The following KCNQ1 variants were observed in gnomAD, a reference collection of about 807,000 sequenced individuals.
The protein encoded by KCNQ1 is potassium voltage-gated channel subfamily Q member 1.
Under a neutral mutation model 72.4 loss-of-function variants are expected in KCNQ1, and 49 were observed. The ratio of observed to expected loss-of-function variants is 0.68; its 90% CI spans 0.54 to 0.86. The LOEUF (loss-of-function observed/expected upper bound fraction) is 0.86. KCNQ1 is among the 40% of genes least tolerant of loss of function. The pLI is 0.00. For missense variants in KCNQ1, 790 were observed against 945.1 expected, an observed-to-expected ratio of 0.84 and a Z score of 2.15; for synonymous variants, 450 against 412.6, an observed-to-expected ratio of 1.09 and a Z score of -1.10.
chr11:2,545,954 A>G (rs1847897403), intron 2 of KCNQ1, among the ~76,000 whole-genome samples: 1 of 152,188 alleles, frequency 6.6e-6, no homozygotes, highest in Non-Finnish European at 1.5e-5. Flanking sequence ...TATGGATCTC[A>G]AAGAATCAGC....
intron 15 of KCNQ1, among the ~76,000 whole-genome samples, chr11:2,790,701 C>A (rs1316791555): frequency 6.6e-6 from 1 of 152,234 alleles, no homozygotes; most frequent in Non-Finnish European, 1.5e-5. Flanking sequence ...AGGGGACAGG[C>A]ACCATTATGC....
Position 2,704,382 on chromosome 11 carries a change from T to A in KCNQ1, c.1514+42301T>A, listed in dbSNP as rs995128112. On this transcript the variant is annotated intron_variant, in intron 11 of 15. Coordinates refer to ENST00000155840, the MANE Select transcript of KCNQ1 (RefSeq NM_000218.3). The surrounding 1 kb of genome is among the most constrained non-coding windows in gnomAD (Gnocchi z 4.3). Reference sequence around the variant, plus strand: ...ATGAGACGGCTATTCCTTTGAGACATGTTTACTTGACTTCCTGCCCCAGGT... The same window carrying A: ...ATGAGACGGCTATTCCTTTGAGACAAGTTTACTTGACTTCCTGCCCCAGGT... Among the ~76,000 whole-genome samples the A allele has an allele frequency of 2.0e-5, 3 of 152,198 alleles. No individual in the cohort carries two copies. Among genetic ancestry groups the A allele is most frequent in the African/African-American group, 7.2e-5 (3 of 41,444 alleles).
At chr11:2,461,808 G>A in intron 1 of KCNQ1, 2 of 1,063,206 alleles carry the variant, frequency 1.9e-6, no homozygotes, top group Non-Finnish European at 2.6e-6. Context: ...GCGGGTAGAT[G>A]GGTGGACAGC....
At chr11:2,705,996 C>T (rs1231932372) in intron 11 of KCNQ1, among the ~76,000 whole-genome samples, 2 of 152,106 alleles carry the variant, frequency 1.3e-5, no homozygotes, top group Non-Finnish European at 2.9e-5. Flanking sequence ...AGAGAATATT[C>T]TAATCAAGCT....
At chr11:2,570,488 C>A in intron 2 of KCNQ1, 140 bp from the exon 3 acceptor site, 2 of 1,114,632 alleles carry the variant, frequency 1.8e-6, no homozygotes, top group Non-Finnish European at 2.6e-6. Flanking sequence ...CCATCCGCAG[C>A]AGGCCAGGAC....
Position 2,795,112 on chromosome 11 carries a change from C to T in KCNQ1, c.1794+17075C>T, listed in dbSNP as rs759698714. The stretch of plus-strand genomic sequence containing the variant: ...TCCTCCCACGTCCCACTCAGCTCCA[C>T]CCCACAGCAGCCAAGAAGCCAGGGC... On this transcript the variant is annotated intron_variant, in intron 15 of 15. Coordinates refer to ENST00000155840, the MANE Select transcript of KCNQ1 (RefSeq NM_000218.3). 1.2e-3 allele frequency among the ~76,000 whole-genome samples: 179 copies of T among 152,226 alleles called. 1 individual carries two copies. The highest frequency in any genetic ancestry group is 6.1e-3 in the Admixed American group (94 of 15,290).
chr11:2,845,742 G>T (rs1485839835), intron 15 of KCNQ1, among the ~76,000 whole-genome samples: 1 of 152,190 alleles, frequency 6.6e-6, no homozygotes, highest in Admixed American at 6.5e-5. Context: ...AGGGCTGGAA[G>T]TGGGTCCCCT....
chr11:2,644,391 C>T (rs1340408064), intron 10 of KCNQ1: 2 of 398,156 alleles, frequency 5.0e-6, no homozygotes, highest in Non-Finnish European at 8.9e-6. Flanking sequence ...TTTTTTATTT[C>T]ATTCAATCTA....
intron 11 of KCNQ1, among the ~76,000 whole-genome samples, chr11:2,722,930 C>T (rs1338535780): frequency 6.6e-6 from 1 of 152,176 alleles, no homozygotes; most frequent in Non-Finnish European, 1.5e-5. Flanking sequence ...GTGTCACTCC[C>T]AGGACCAACT....
Position 2,808,131 on chromosome 11 carries a change from G to C in KCNQ1, c.1794+30094G>C. Among the ~76,000 whole-genome samples, 1 of 152,200 alleles carries C rather than the reference G, an allele frequency of 6.6e-6. No homozygotes were observed. Among genetic ancestry groups the C allele is most frequent in the East Asian group, 1.9e-4 (1 of 5,180 alleles). ...ACTGTGGGCACCACTTGGGCACCCT[G>C]TGGGCTTATTTTCCCTGCCCACTGC... On this transcript the variant is annotated intron_variant, in intron 15 of 15. Coordinates refer to ENST00000155840, the MANE Select transcript of KCNQ1 (RefSeq NM_000218.3). This position sits in a 1 kb window ranked among gnomAD's most constrained non-coding sequence, Gnocchi z 6.0.
intron 10 of KCNQ1, chr11:2,616,703 T>C (rs1338844892): frequency 5.0e-6 from 2 of 398,160 alleles, no homozygotes; most frequent in Non-Finnish European, 8.9e-6. Context: ...TTTAGGTTTT[T>C]CTTCTGTTAC....
rs1290744951 is a variant in KCNQ1, at chr11:2,563,394, C to T, written c.478-7234C>T. ...ACCTGCTTTGCTAGACCCTTGCTGG[C>T]CCTCCGGCTTCGGGCAGGTCTCCTC... is the stretch of plus-strand genomic sequence containing the variant. On this transcript the variant is annotated intron_variant, in intron 2 of 15. Coordinates refer to ENST00000155840, the MANE Select transcript of KCNQ1 (RefSeq NM_000218.3). This position sits in a 1 kb window ranked among gnomAD's most constrained non-coding sequence, Gnocchi z 7.4. 5.3e-5 allele frequency among the ~76,000 whole-genome samples: 8 copies of T among 152,328 alleles called. No homozygotes were observed. The South Asian group carries it at 1.7e-3, about 32-fold the overall frequency.
chr11:2,721,035 C>T (rs1166217130), intron 11 of KCNQ1, among the ~76,000 whole-genome samples: 1 of 152,086 alleles, frequency 6.6e-6, no homozygotes, highest in East Asian at 1.9e-4. Flanking sequence ...AGCAGCCAGG[C>T]CCCAGATGCA....
chr11:2,814,915 C>A (rs1018162915), intron 15 of KCNQ1, among the ~76,000 whole-genome samples: 1 of 152,208 alleles, frequency 6.6e-6, no homozygotes, highest in African/African-American at 2.4e-5. Flanking sequence ...ACCCAGCTGC[C>A]TCTGGAGCCT....
chr11:2,576,301 G>T (rs961242863), intron 6 of KCNQ1, among the ~76,000 whole-genome samples: 5 of 152,172 alleles, frequency 3.3e-5, no homozygotes, highest in Non-Finnish European at 7.3e-5. Flanking sequence ...CCTTCGCCGG[G>T]GTGGGGATAC....
At chr11:2,514,674 A>G (rs1477491611) in intron 1 of KCNQ1, among the ~76,000 whole-genome samples, 5 of 152,126 alleles carry the variant, frequency 3.3e-5, no homozygotes. Flanking sequence ...AAAATACAAA[A>G]AATTAGCCCG....
intron 12 of KCNQ1, among the ~76,000 whole-genome samples, chr11:2,771,196 C>T (rs916723619): frequency 1.1e-4 from 16 of 152,260 alleles, no homozygotes; most frequent in African/African-American, 3.9e-4. Context: ...GCAGAGCATG[C>T]AGACCCTGAT....
intron 10 of KCNQ1, chr11:2,614,160 C>T (rs1326899360): frequency 5.0e-6 from 2 of 398,476 alleles, no homozygotes; most frequent in Non-Finnish European, 4.4e-6. Context: ...CTCCATAAAT[C>T]GAATCTACCC....
chr11:2,672,070 CT>C (rs996945383), intron 11 of KCNQ1: 1 of 398,574 alleles, frequency 2.5e-6, no homozygotes, highest in African/African-American at 2.1e-5. Context: ...CCCCTGGTCC[CT>C]GGTCTGGACT....
Sources: allele counts gnomAD v4.1 joint callset (sites outside exome capture counted in the v4.1 genomes callset), GRCh38; gene constraint gnomAD v4.1.1; non-coding constraint Gnocchi (gnomAD v3.1); transcripts MANE v1.5; gene names NCBI Gene and HGNC (gene_info 2026-07-23, HGNC 2026-07-21).